The following TCF7L2 variants were observed in gnomAD, a reference collection of about 807,000 sequenced individuals.
The protein encoded by TCF7L2 is transcription factor 7-like 2.
In TCF7L2, 23 loss-of-function variants were observed where a neutral mutation model predicts 77.9. The observed-to-expected ratio is 0.30, with a 90% CI of 0.21 to 0.42. The LOEUF (loss-of-function observed/expected upper bound fraction) is 0.42, where lower values mean the gene tolerates loss of function less well. Ranked by LOEUF, TCF7L2 falls within the 10% of genes least tolerant of loss-of-function variation. TCF7L2 has a pLI of 1.00. For synonymous variants in TCF7L2, 413 were observed against 340.2 expected (o/e 1.21, Z -2.36); for missense variants, 654 against 793.1 (o/e 0.82, Z 2.11).
chr10:112,979,712 C>T (rs1158140417), intron 4 of TCF7L2, among the ~76,000 whole-genome samples: 1 of 151,376 alleles, frequency 6.6e-6, no homozygotes, highest in East Asian at 1.9e-4. Context: ...GCAGAGATGG[C>T]GCCACTGTAC....
At chr10:113,031,250 A>G (rs562503122) in intron 4 of TCF7L2, among the ~76,000 whole-genome samples, 1 of 152,364 alleles carries the variant, frequency 6.6e-6, no homozygotes, top group East Asian at 1.9e-4. Flanking sequence ...TTAGAGGTCT[A>G]AAAGAGCCTT....
In TCF7L2 at chr10:113,021,064, G is replaced by T. The variant is rs186179937; in HGVS notation, c.451-18961G>T. ...CAGCATAATGCCCGGCAAAGTGCTG[G>T]CATCAATAAATATTTGTCGAATGTT... On this transcript the variant is annotated intron_variant, in intron 4 of 13. Coordinates refer to ENST00000627217, the MANE Select transcript of TCF7L2 (RefSeq NM_001146274.2). Among the ~76,000 whole-genome samples the T allele has an allele frequency of 7.4e-3, 1,130 of 152,234 alleles. 45 individuals are homozygous for T. Among genetic ancestry groups the T allele is most frequent in the Admixed American group, 0.067 (1,029 of 15,284 alleles).
At chr10:113,138,749 G>A (rs1167456078) in intron 5 of TCF7L2, among the ~76,000 whole-genome samples, 1 of 152,116 alleles carries the variant, frequency 6.6e-6, no homozygotes, top group Non-Finnish European at 1.5e-5. Flanking sequence ...TTGCCTCTGT[G>A]CTTGCCTGTG....
chr10:113,136,597 A>T (rs938933650), intron 5 of TCF7L2, among the ~76,000 whole-genome samples: 3 of 152,240 alleles, frequency 2.0e-5, no homozygotes, highest in South Asian at 2.1e-4. Context: ...AGTTTTGAAG[A>T]TGTATTTAGG....
intron 13 of TCF7L2, chr10:113,161,321 G>C: frequency 1.9e-6 from 1 of 519,492 alleles, no homozygotes; most frequent in Non-Finnish European, 3.5e-6. Flanking sequence ...AGACTGCAGC[G>C]TCCCTAGGCC....
intron 5 of TCF7L2, among the ~76,000 whole-genome samples, chr10:113,127,243 GTT>G (rs11313601): frequency 0.015 from 2,048 of 139,960 alleles, 53 homozygotes; most frequent in African/African-American, 0.051. Flanking sequence ...GGGGTTTCGG[GTT>G]TTTTTTTTTT....
At chr10:113,048,352 A>C (rs1383658746) in intron 5 of TCF7L2, among the ~76,000 whole-genome samples, 3 of 152,138 alleles carry the variant, frequency 2.0e-5, no homozygotes, top group African/African-American at 4.8e-5. Context: ...TTCTCCAACC[A>C]GATTGTAAGT....
intron 4 of TCF7L2, among the ~76,000 whole-genome samples, chr10:112,983,767 A>G (rs552299714): frequency 3.9e-5 from 6 of 152,306 alleles, no homozygotes; most frequent in South Asian, 2.1e-4. Flanking sequence ...CCTGTGTCGT[A>G]TGGGAGAAGG....
intron 4 of TCF7L2, among the ~76,000 whole-genome samples, chr10:112,989,554 G>A (rs2042158221): frequency 6.6e-6 from 1 of 152,110 alleles, no homozygotes; most frequent in African/African-American, 2.4e-5. Context: ...ATGCTCATGA[G>A]AGTTTGCGGC....
intron 5 of TCF7L2, among the ~76,000 whole-genome samples, chr10:113,081,059 C>T (rs2059271100): frequency 6.6e-6 from 1 of 152,202 alleles, no homozygotes; most frequent in Non-Finnish European, 1.5e-5. Flanking sequence ...TTTACCAACA[C>T]TGCTTTCTTT....
At chr10:113,028,145 T>A (rs2049538367) in intron 4 of TCF7L2, among the ~76,000 whole-genome samples, 3 of 152,066 alleles carry the variant, frequency 2.0e-5, no homozygotes, top group Admixed American at 2.0e-4. Flanking sequence ...GAGACAAGGA[T>A]TACCAACAGG....
chr10:112,978,252 C>A (rs952971716), intron 4 of TCF7L2, among the ~76,000 whole-genome samples: 1 of 152,150 alleles, frequency 6.6e-6, no homozygotes, highest in Non-Finnish European at 1.5e-5. Flanking sequence ...ATCTCCCTCT[C>A]TATTTTTTAA....
chr10:112,967,151 G>T (rs1032080365), intron 4 of TCF7L2, among the ~76,000 whole-genome samples: 3 of 152,216 alleles, frequency 2.0e-5, no homozygotes, highest in Non-Finnish European at 2.9e-5. Context: ...TTTTCGCTCT[G>T]GATGTGGCAT....
chr10:113,150,598 A>G (rs1227167394), intron 8 of TCF7L2, among the ~76,000 whole-genome samples: 2 of 152,266 alleles, frequency 1.3e-5, no homozygotes, highest in Non-Finnish European at 2.9e-5. Flanking sequence ...ATATACAACA[A>G]AAGATTTCAC....
chr10:112,971,393 C>T (rs913835118), intron 4 of TCF7L2, among the ~76,000 whole-genome samples: 11 of 151,980 alleles, frequency 7.2e-5, no homozygotes, highest in African/African-American at 2.2e-4. Context: ...GTTTTTCCTC[C>T]GCCTCCCAGG....
intron 5 of TCF7L2, chr10:113,132,197 G>C (rs1471201491): frequency 6.6e-6 from 1 of 152,190 alleles, no homozygotes; most frequent in East Asian, 1.9e-4. Context: ...TCTTCCTCTT[G>C]GCTTACCTCC....
At chr10:113,134,037 C>A (rs2067015406) in intron 5 of TCF7L2, among the ~76,000 whole-genome samples, 1 of 152,176 alleles carries the variant, frequency 6.6e-6, no homozygotes, top group South Asian at 2.1e-4. Flanking sequence ...AAACTCGAAC[C>A]CTGTGAAACC....
At chr10:113,140,884 C>T (rs1007703318) in intron 5 of TCF7L2, among the ~76,000 whole-genome samples, 1 of 152,158 alleles carries the variant, frequency 6.6e-6, no homozygotes, top group Non-Finnish European at 1.5e-5. Flanking sequence ...TCTGACTCAC[C>T]TGCTAATGGG....
chr10:112,980,304 T>C (rs1050940726), intron 4 of TCF7L2, among the ~76,000 whole-genome samples: 2 of 152,254 alleles, frequency 1.3e-5, no homozygotes, highest in Non-Finnish European at 2.9e-5. Flanking sequence ...GTGAGCTTAC[T>C]GCTTTCTGAT....
Sources: gnomAD v4.1 joint callset for allele counts (sites outside exome capture counted in the v4.1 genomes callset) on GRCh38, gnomAD v4.1.1 for gene constraint, MANE v1.5 for transcripts, NCBI Gene and HGNC (gene_info 2026-07-23, HGNC 2026-07-21) for gene names.